Variants in TMPRSS15 observed in about 807,000 individuals in gnomAD.
The protein encoded by TMPRSS15 is transmembrane serine protease 15.
In TMPRSS15, 128 loss-of-function variants were observed where a neutral mutation model predicts 125.3. The observed-to-expected ratio is 1.02, with a 90% CI of 0.89 to 1.18. The LOEUF is 1.18. Among genes scored for constraint, TMPRSS15 ranks in the 50% most tolerant of loss-of-function variants. The probability of loss-of-function intolerance (pLI) is 0.00; values close to 1 mark genes in which losing one functional copy is unlikely to be tolerated. For synonymous variants in TMPRSS15, 446 were observed against 423.2 expected (o/e 1.05, Z -0.66); for missense variants, 1,283 against 1,212.7 (o/e 1.06, Z -0.86).
chr21:18,456,716 C>T (rs762815839), intron 1 of TMPRSS15, among the ~76,000 whole-genome samples: 25 of 152,088 alleles, frequency 1.6e-4, no homozygotes, highest in Admixed American at 2.6e-4. Context: ...TTAATACATA[C>T]GTAGTGCTAC....
rs2075446973 is a variant in TMPRSS15, at chr21:18,341,607, A to T, written c.1429-59T>A. On this transcript the variant is annotated intron_variant, in intron 12 of 24. Transcript: ENST00000284885. ...TTCCATTCTAATCTTCTCTGACTTGATTCTTCTTGTGAGCCCAAGAGATTC... is the reference window on the plus strand; with the variant it reads ...TTCCATTCTAATCTTCTCTGACTTGTTTCTTCTTGTGAGCCCAAGAGATTC... 5 of 1,580,644 alleles carry T rather than the reference A, an allele frequency of 3.2e-6. No homozygotes were observed. The African/African-American group carries it at 5.4e-5, about 17-fold the overall frequency.
At chr21:18,400,968 A>G (rs1294344820) in intron 1 of TMPRSS15, among the ~76,000 whole-genome samples, 1 of 152,192 alleles carries the variant, frequency 6.6e-6, no homozygotes, top group African/African-American at 2.4e-5. Flanking sequence ...GCTAACAAAT[A>G]TTTTAAAAAA....
chr21:18,278,257 T>C (rs2074644952), intron 23 of TMPRSS15, among the ~76,000 whole-genome samples: 1 of 152,142 alleles, frequency 6.6e-6, no homozygotes, highest in East Asian at 1.9e-4. Context: ...TTTACAAAAA[T>C]AAATTTTTGT....
chr21:18,446,600 A>T (rs570985434), intron 1 of TMPRSS15, among the ~76,000 whole-genome samples: 2 of 152,316 alleles, frequency 1.3e-5, no homozygotes, highest in East Asian at 3.9e-4. Flanking sequence ...ATAAAAACAG[A>T]TACATAGATC....
chr21:18,458,183 T>C (rs1177894097), intron 1 of TMPRSS15, among the ~76,000 whole-genome samples: 3 of 152,124 alleles, frequency 2.0e-5, no homozygotes, highest in Non-Finnish European at 2.9e-5. Context: ...TTTAGCTAAC[T>C]CAGACGCCAT....
chr21:18,272,291 T>C (rs1412524273), intron 24 of TMPRSS15, among the ~76,000 whole-genome samples: 5 of 152,238 alleles, frequency 3.3e-5, no homozygotes, highest in African/African-American at 1.2e-4. Context: ...CATTGTGGTT[T>C]TGATTTGCAT....
In TMPRSS15 at chr21:18,305,183, C is replaced by CTT. The variant is rs59103494; in HGVS notation, c.2166-7356_2166-7355dup. On this transcript the variant is annotated intron_variant, in intron 18 of 24. Coordinates refer to ENST00000284885, the MANE Select transcript of TMPRSS15 (RefSeq NM_002772.3). ...GGATTCCAGGATTTGAATTTCCGTA[C>CTT]TTTTTTTTTTTTTTTTTTTTTTTGA... is the stretch of plus-strand genomic sequence containing the variant. Among the ~76,000 whole-genome samples, 327 of 86,014 alleles carry CTT rather than the reference C, an allele frequency of 3.8e-3. 33 individuals carry two copies. The highest frequency in any genetic ancestry group is 0.017 in the East Asian group (48 of 2,868). The allele number at this position is 86,014 out of a possible 152,430, so 56.4% of individuals were successfully genotyped here.
At chr21:18,327,020 A>G (rs938262371) in intron 15 of TMPRSS15, among the ~76,000 whole-genome samples, 6 of 152,188 alleles carry the variant, frequency 3.9e-5, no homozygotes, top group African/African-American at 1.2e-4. Flanking sequence ...GGAGATTGGG[A>G]ATATTAACTA....
At chr21:18,341,354 A>G in intron 13 of TMPRSS15, 59 bp downstream of exon 13, 1 of 1,600,502 alleles carries the variant, frequency 6.2e-7, no homozygotes, top group Non-Finnish European at 8.6e-7. Flanking sequence ...TATAGCTGTG[A>G]GCCTCCACAC....
intron 1 of TMPRSS15, among the ~76,000 whole-genome samples, chr21:18,425,012 T>C (rs997639542): frequency 7.0e-6 from 1 of 143,814 alleles, no homozygotes; most frequent in Non-Finnish European, 1.5e-5. Flanking sequence ...TACATATGAA[T>C]TAATATGCAT....
At chr21:18,305,183 C>CTTTTTTTTTTTTTTTTTTTTTTTTTT (rs59103494) in intron 18 of TMPRSS15, among the ~76,000 whole-genome samples, 1 of 86,044 alleles carries the variant, frequency 1.2e-5, no homozygotes. Flanking sequence ...AATTTCCGTA[C>CTTTTTTTTTTTTTTTTTTTTTTTTTT]TTTTTTTTTT....
intron 1 of TMPRSS15, among the ~76,000 whole-genome samples, chr21:18,451,540 A>G (rs2123256422): frequency 6.6e-6 from 1 of 152,278 alleles, no homozygotes; most frequent in Non-Finnish European, 1.5e-5. Context: ...AGAAGCATTG[A>G]GGTGTTTAAG....
chr21:18,426,564 C>A (rs950075544), intron 1 of TMPRSS15, among the ~76,000 whole-genome samples: 16 of 152,256 alleles, frequency 1.1e-4, no homozygotes, highest in Admixed American at 3.3e-4. Flanking sequence ...TTAAACAGCT[C>A]TTCTGAAGCA....
chr21:18,465,036 G>A (rs1452279069), intron 1 of TMPRSS15, among the ~76,000 whole-genome samples: 7 of 152,104 alleles, frequency 4.6e-5, no homozygotes, highest in Non-Finnish European at 1.0e-4. Context: ...AACGAATACA[G>A]CAGCACATCA....
At chr21:18,431,130 TA>T (rs910203115) in intron 1 of TMPRSS15, among the ~76,000 whole-genome samples, 3 of 152,094 alleles carry the variant, frequency 2.0e-5, no homozygotes, top group African/African-American at 7.2e-5. Context: ...AGTCTCCCAG[TA>T]AAAAGAGAAA....
In TMPRSS15 at chr21:18,402,858, C is replaced by T. The variant is rs151250245; in HGVS notation, c.145+620G>A. On this transcript the variant is annotated intron_variant, in intron 1 of 24. Transcript: ENST00000284885. ...TTTCATATGTTGTAGCTACACAATA[C>T]ATTTGAAGGTATTTTAAAAGCTGTT... Among the ~76,000 whole-genome samples the T allele has an allele frequency of 1.3e-3, 202 of 152,254 alleles. No individual in the cohort carries two copies. In the Middle Eastern group the frequency reaches 0.017, roughly 13 times the overall value.
chr21:18,339,559 G>A (rs1314105818), intron 13 of TMPRSS15, among the ~76,000 whole-genome samples: 1 of 152,150 alleles, frequency 6.6e-6, no homozygotes, highest in African/African-American at 2.4e-5. Flanking sequence ...CAAAGAAAAT[G>A]AGAAATGGAA....
intron 6 of TMPRSS15, among the ~76,000 whole-genome samples, chr21:18,371,574 T>G (rs564531344): frequency 6.6e-6 from 1 of 152,174 alleles, no homozygotes; most frequent in African/African-American, 2.4e-5. Flanking sequence ...AATAATGTTA[T>G]TGTCATTAAC....
At chr21:18,437,299 C>T (rs1354875970) in intron 1 of TMPRSS15, among the ~76,000 whole-genome samples, 1 of 152,038 alleles carries the variant, frequency 6.6e-6, no homozygotes, top group Admixed American at 6.6e-5. Context: ...TGGATCCCTT[C>T]CTTACATCTT....
Sources: allele counts gnomAD v4.1 joint callset (sites outside exome capture counted in the v4.1 genomes callset), GRCh38; gene constraint gnomAD v4.1.1; transcripts MANE v1.5; gene names NCBI Gene and HGNC (gene_info 2026-07-23, HGNC 2026-07-21).